The following DMD variants were observed in gnomAD, a reference collection of about 807,000 sequenced individuals.
DMD encodes mutant dystrophin.
In DMD, 63 loss-of-function variants were observed where a neutral mutation model predicts 330.1. The observed-to-expected ratio is 0.19, with a 90% CI of 0.16 to 0.24. The LOEUF (loss-of-function observed/expected upper bound fraction) is 0.24, where lower values mean the gene tolerates loss of function less well. Ranked by LOEUF, DMD falls within the 10% of genes least tolerant of loss-of-function variation. The pLI, the probability that DMD is intolerant of heterozygous loss-of-function variation, is 1.00. For synonymous variants in DMD, 1,223 were observed against 959.8 expected (o/e 1.27, Z -5.07); for missense variants, 3,344 against 2,684.1 (o/e 1.25, Z -5.43).
At chrX:31,491,150 C>A (rs2069263621) in intron 57 of DMD, among the ~76,000 whole-genome samples, 1 of 111,817 alleles carries the variant, frequency 8.9e-6, no homozygotes, top group Non-Finnish European at 1.9e-5. Flanking sequence ...AACCTAGTGA[C>A]AAACAATTTC....
intron 50 of DMD, among the ~76,000 whole-genome samples, chrX:31,792,704 C>T (rs1013687933): frequency 8.9e-6 from 1 of 111,798 alleles, no homozygotes; most frequent in African/African-American, 3.2e-5. Context: ...TGCAAGCAAA[C>T]GAGGTGGGAA....
intron 7 of DMD, among the ~76,000 whole-genome samples, chrX:32,718,065 T>C (rs777293797): frequency 1.8e-5 from 2 of 111,349 alleles, no homozygotes; most frequent in Non-Finnish European, 3.8e-5. Flanking sequence ...TGTGGACTTT[T>C]GAACTAATAC....
chrX:31,417,069 G>C (rs150060222), intron 60 of DMD, among the ~76,000 whole-genome samples: 3,705 of 111,680 alleles, frequency 0.033, 152 homozygotes, highest in African/African-American at 0.11. Flanking sequence ...TATAGCACAG[G>C]CTTTTAAATT....
At chrX:32,232,274 A>G (rs767757587) in intron 43 of DMD, among the ~76,000 whole-genome samples, 1 of 112,288 alleles carries the variant, frequency 8.9e-6, no homozygotes, top group South Asian at 3.7e-4. Flanking sequence ...AGATACAGTA[A>G]TTAATTTCAA....
chrX:31,345,372 G>A (rs1219170842), intron 61 of DMD, among the ~76,000 whole-genome samples: 3 of 111,601 alleles, frequency 2.7e-5, no homozygotes, highest in Non-Finnish European at 5.6e-5. Context: ...ACCACCTCAG[G>A]CTTATGGATT....
At chrX:31,997,751 C>A (rs753335615) in intron 44 of DMD, among the ~76,000 whole-genome samples, 1 of 110,661 alleles carries the variant, frequency 9.0e-6, no homozygotes, top group Non-Finnish European at 1.9e-5. Context: ...AGGATTTCTG[C>A]CTATTTAAAA....
Position 31,932,191 on chromosome X carries a change from T to C in DMD, c.6651A>G (p.Gln2217=), listed in dbSNP as rs2094863854. 1.7e-6 allele frequency: 2 copies of C among 1,191,058 alleles called. No individual in the cohort carries two copies. Among genetic ancestry groups the C allele is most frequent in the Non-Finnish European group, 2.3e-6 (2 of 876,876 alleles). The change falls in exon 46 of 79, where the codon CAA becomes CAG. Residue 2217 remains glutamine (Q), a synonymous_variant. Transcript: ENST00000357033. ...EEQKNILSEF[Q]RDLNEFVLWL... Reference sequence around the variant, plus strand: ...ATAAAACAAATTCATTTAAATCTCTTTGAAATTCTGACAAGATATTCTTTT... The same window carrying C: ...ATAAAACAAATTCATTTAAATCTCTCTGAAATTCTGACAAGATATTCTTTT...
chrX:33,299,919 T>C (rs2053637676), intron 1 of DMD, among the ~76,000 whole-genome samples: 1 of 111,975 alleles, frequency 8.9e-6, no homozygotes, highest in Non-Finnish European at 1.9e-5. Flanking sequence ...CTGCAAATCC[T>C]ACAGTGTGAG....
At chrX:32,152,248 G>A (rs956393206) in intron 44 of DMD, among the ~76,000 whole-genome samples, 4 of 111,453 alleles carry the variant, frequency 3.6e-5, no homozygotes, top group African/African-American at 6.5e-5. Context: ...GACAACTGTC[G>A]GAAATTGATT....
At chrX:32,389,980 TC>T (rs1569560760) in intron 31 of DMD, 90 bp downstream of exon 31, 2 of 737,635 alleles carry the variant, frequency 2.7e-6, no homozygotes. Flanking sequence ...TGTCCTCAAA[TC>T]CAATCTTGCC....
chrX:33,259,356 TTCAC>T (rs1294194180), intron 1 of DMD, among the ~76,000 whole-genome samples: 3 of 110,147 alleles, frequency 2.7e-5, no homozygotes, highest in Non-Finnish European at 5.7e-5. Flanking sequence ...TACATTAGGT[TTCAC>T]TCAGTGTTGT....
At chrX:32,328,880 T>C (rs186117344) in intron 41 of DMD, among the ~76,000 whole-genome samples, 1 of 111,857 alleles carries the variant, frequency 8.9e-6, no homozygotes, top group Admixed American at 9.5e-5. Context: ...AAAAGCTAAA[T>C]AAAAAATTGC....
At chrX:32,216,758 T>A in intron 44 of DMD, 158 bp downstream of exon 44, 2 of 506,651 alleles carry the variant, frequency 3.9e-6, no homozygotes, top group Non-Finnish European at 6.7e-6. Flanking sequence ...CGTGCTCTAA[T>A]ATTATCATTA....
At chrX:32,816,761 G>T (rs1489800238) in intron 5 of DMD, 121 bp from the exon 6 acceptor site, 2 of 642,484 alleles carry the variant, frequency 3.1e-6, no homozygotes, top group Non-Finnish European at 4.9e-6. Context: ...AATTAGTAAT[G>T]AGACATAATA....
At chrX:31,366,467 T>C (rs2059235797) in intron 60 of DMD, among the ~76,000 whole-genome samples, 1 of 14,076 alleles carries the variant, frequency 7.1e-5, no homozygotes, top group African/African-American at 4.3e-4. Context: ...TCTCTCTCTC[T>C]CTCAAAAAAA....
chrX:31,698,095 C>G (rs1423619007), intron 52 of DMD, among the ~76,000 whole-genome samples: 2 of 112,210 alleles, frequency 1.8e-5, no homozygotes, highest in Admixed American at 9.5e-5. Flanking sequence ...AACAAACATT[C>G]ACGATCTGCT....
At chrX:33,020,343 T>G in intron 1 of DMD, 143 bp from the exon 2 acceptor site, 1 of 456,304 alleles carries the variant, frequency 2.2e-6, no homozygotes, top group Non-Finnish European at 3.8e-6. Context: ...GAATTAAACA[T>G]GAGTGATGCT....
intron 4 of DMD, among the ~76,000 whole-genome samples, chrX:32,842,870 C>A (rs1050988632): frequency 4.5e-5 from 5 of 110,720 alleles, no homozygotes; most frequent in Non-Finnish European, 7.6e-5. Context: ...TGCAGTGGCA[C>A]GATCTCCACT....
chrX:31,779,589 T>C (rs751145383), intron 50 of DMD, among the ~76,000 whole-genome samples: 1 of 112,196 alleles, frequency 8.9e-6, no homozygotes, highest in South Asian at 3.7e-4. Context: ...GGGTTTTGTT[T>C]GTTTGTTTTT....
Sources: gnomAD v4.1 joint callset for allele counts (sites outside exome capture counted in the v4.1 genomes callset) on GRCh38, gnomAD v4.1.1 for gene constraint, MANE v1.5 for transcripts, NCBI Gene and HGNC (gene_info 2026-07-23, HGNC 2026-07-21) for gene names.